Variants in CWC27 observed in about 807,000 individuals in gnomAD.
The protein encoded by CWC27 is spliceosome-associated protein CWC27 homolog.
In CWC27, 47 loss-of-function variants were observed where a neutral mutation model predicts 63.6. The observed-to-expected ratio is 0.74, with a 90% CI of 0.58 to 0.94. The LOEUF (loss-of-function observed/expected upper bound fraction) is 0.94. Among genes scored for constraint, CWC27 ranks in the 40% least tolerant of loss-of-function variants. The pLI is 0.00. For synonymous variants in CWC27, 175 were observed against 179.8 expected (o/e 0.97, Z 0.22); for missense variants, 495 against 554.3 (o/e 0.89, Z 1.07).
At chr5:64,916,639 C>T (rs1307065993) in intron 11 of CWC27, among the ~76,000 whole-genome samples, 1 of 152,050 alleles carries the variant, frequency 6.6e-6, no homozygotes, top group East Asian at 1.9e-4. Context: ...CACCCAGCTC[C>T]CCAGAGACAG....
At chr5:64,806,295 A>T (rs200410237) in intron 10 of CWC27, among the ~76,000 whole-genome samples, 2 of 152,244 alleles carry the variant, frequency 1.3e-5, no homozygotes, top group African/African-American at 2.4e-5. Flanking sequence ...AAATAAATTT[A>T]AAAAGTACGT....
intron 10 of CWC27, among the ~76,000 whole-genome samples, chr5:64,872,880 C>G (rs1347678530): frequency 6.6e-6 from 1 of 152,156 alleles, no homozygotes; most frequent in Non-Finnish European, 1.5e-5. Context: ...CCCCACATTT[C>G]CCTCTGATGG....
intron 11 of CWC27, among the ~76,000 whole-genome samples, chr5:64,969,419 AATT>A (rs1749078114): frequency 6.6e-6 from 1 of 152,180 alleles, no homozygotes; most frequent in South Asian, 2.1e-4. Flanking sequence ...GGCAGAAAAT[AATT>A]ATTGACTCCC....
chr5:64,911,692 C>T (rs1047612595), intron 11 of CWC27, among the ~76,000 whole-genome samples: 3 of 152,036 alleles, frequency 2.0e-5, no homozygotes, highest in African/African-American at 4.8e-5. Context: ...GACTGAAGTC[C>T]AGGGTCTGCT....
intron 13 of CWC27, among the ~76,000 whole-genome samples, chr5:65,015,708 C>G (rs547932579): frequency 6.6e-6 from 1 of 152,092 alleles, no homozygotes. Context: ...CTCTCAATGA[C>G]TGGAGAAAAA....
intron 13 of CWC27, among the ~76,000 whole-genome samples, chr5:64,988,753 G>A (rs1000675789): frequency 1.3e-5 from 2 of 151,856 alleles, no homozygotes; most frequent in African/African-American, 2.4e-5. Flanking sequence ...ATAGGCATGC[G>A]CCACCGCATG....
intron 2 of CWC27, among the ~76,000 whole-genome samples, chr5:64,778,907 C>T (rs1163682553): frequency 6.6e-6 from 1 of 152,140 alleles, no homozygotes; most frequent in Non-Finnish European, 1.5e-5. Flanking sequence ...CTTTCTACTT[C>T]TTATGTACTG....
chr5:64,770,395 T>C (rs1743209354), intron 1 of CWC27, among the ~76,000 whole-genome samples: 1 of 152,170 alleles, frequency 6.6e-6, no homozygotes, highest in Admixed American at 6.5e-5. Context: ...CCCCAGTTAA[T>C]AAACACTGGT....
intron 6 of CWC27, among the ~76,000 whole-genome samples, chr5:64,787,182 A>G (rs976724091): frequency 6.6e-6 from 1 of 152,106 alleles, no homozygotes; most frequent in South Asian, 2.1e-4. Context: ...ATTACTCGAG[A>G]TGAGATTTGG....
chr5:64,927,819 T>C (rs73107282), intron 11 of CWC27, among the ~76,000 whole-genome samples: 1,651 of 152,298 alleles, frequency 0.011, 25 homozygotes, highest in African/African-American at 0.038. Flanking sequence ...TTTGGATTTC[T>C]AGATTATTAA....
intron 11 of CWC27, among the ~76,000 whole-genome samples, chr5:64,950,665 A>C (rs978505822): frequency 2.5e-4 from 38 of 151,992 alleles, no homozygotes; most frequent in African/African-American, 9.2e-4. Flanking sequence ...AAGTTCACCA[A>C]TTTTAAGTAG....
chr5:64,983,577 G>A (rs1749366548), intron 13 of CWC27, among the ~76,000 whole-genome samples: 1 of 152,152 alleles, frequency 6.6e-6, no homozygotes, highest in Non-Finnish European at 1.5e-5. Flanking sequence ...TAGGTCCTGG[G>A]AAGCTTTTTT....
At chr5:64,885,737 G>GTGTGTGTT (rs778534933) in intron 11 of CWC27, among the ~76,000 whole-genome samples, 191 bp downstream of exon 11, 17 of 141,534 alleles carry the variant, frequency 1.2e-4, no homozygotes, top group Admixed American at 2.7e-4. Context: ...GTGTGTGTGT[G>GTGTGTGTT]TTTTTAATAC....
At chr5:64,889,790 A>G (rs572225056) in intron 11 of CWC27, among the ~76,000 whole-genome samples, 1 of 152,208 alleles carries the variant, frequency 6.6e-6, no homozygotes, top group East Asian at 1.9e-4. Context: ...GATGTACTGC[A>G]GGACAATCCT....
chr5:64,823,071 G>A (rs1745252874), intron 10 of CWC27, among the ~76,000 whole-genome samples: 1 of 152,020 alleles, frequency 6.6e-6, no homozygotes, highest in Admixed American at 6.5e-5. Flanking sequence ...AATGAGATCT[G>A]AGTAAACCAA....
rs1235247702 is a variant in CWC27, at chr5:64,988,600, CTA to C, written c.1256+11364_1256+11365del. Among the ~76,000 whole-genome samples, 277 of 133,192 alleles carry C rather than the reference CTA, an allele frequency of 2.1e-3. 2 individuals are homozygous for C. Among genetic ancestry groups the C allele is most frequent in the African/African-American group, 7.4e-3 (255 of 34,238 alleles). The allele number at this position is 133,192 out of a possible 152,430, so 87.4% of individuals were successfully genotyped here. ...TCCAGCGTGGGACCTGGCTGTTAGA[CTA>C]TTTTTTTTTTTTTTTTTTGAGACGG... On this transcript the variant is annotated intron_variant, in intron 13 of 13. Coordinates refer to ENST00000381070, the MANE Select transcript of CWC27 (RefSeq NM_005869.4).
At chr5:64,820,499 T>C (rs1021700028) in intron 10 of CWC27, among the ~76,000 whole-genome samples, 12 of 152,022 alleles carry the variant, frequency 7.9e-5, no homozygotes, top group African/African-American at 2.9e-4. Flanking sequence ...CTTAAGTATA[T>C]GTGAACCAAT....
intron 13 of CWC27, among the ~76,000 whole-genome samples, chr5:65,007,819 G>A (rs1271880143): frequency 1.3e-5 from 2 of 151,906 alleles, no homozygotes; most frequent in African/African-American, 2.4e-5. Context: ...TAGTAGGGAC[G>A]GGGTTTCACC....
chr5:64,790,545 A>G (rs1375937601), intron 7 of CWC27, among the ~76,000 whole-genome samples: 1 of 152,142 alleles, frequency 6.6e-6, no homozygotes, highest in African/African-American at 2.4e-5. Context: ...GTTTCCTTGC[A>G]TACCCATACT....
Sources: gnomAD v4.1 joint callset for allele counts (sites outside exome capture counted in the v4.1 genomes callset) on GRCh38, gnomAD v4.1.1 for gene constraint, MANE v1.5 for transcripts, NCBI Gene and HGNC (gene_info 2026-07-23, HGNC 2026-07-21) for gene names.